Variants in IPO4 observed in about 807,000 individuals in gnomAD.
IPO4 encodes importin 4.
A neutral mutation model predicts 133.5 loss-of-function variants in IPO4; 91 were observed. That is an observed-to-expected ratio of 0.68 (90% confidence interval 0.58 to 0.81). The LOEUF is 0.81. Among genes scored for constraint, IPO4 ranks in the 30% least tolerant of loss-of-function variants. The pLI, the probability that IPO4 is intolerant of heterozygous loss-of-function variation, is 0.00. For missense variants in IPO4, 1,279 were observed against 1,386.2 expected, an observed-to-expected ratio of 0.92 and a Z score of 1.23; for synonymous variants, 607 against 581.6, an observed-to-expected ratio of 1.04 and a Z score of -0.63.
Position 24,182,313 on chromosome 14 carries a change from A to G in IPO4, c.2563T>C (p.Phe855Leu), listed in dbSNP as rs1330087921. The G allele has an allele frequency of 1.9e-6, 3 of 1,613,936 alleles. No individual in the cohort carries two copies. The African/African-American group carries it at 4.0e-5, about 22-fold the overall frequency. ...ACCAATAATGGCAGGAAACCGGCAAAGAATGGGGCAAAGGAGTCTCCCCCA... is the reference window on the plus strand; with the variant it reads ...ACCAATAATGGCAGGAAACCGGCAAGGAATGGGGCAAAGGAGTCTCCCCCA... ...AAGGDSFAPFFAGFLPLLVCK... is the reference protein window; with the variant it reads ...AAGGDSFAPFLAGFLPLLVCK... The change falls in exon 25 of 30, where the codon TTT (phenylalanine) becomes CTT (leucine). Residue 855 changes from phenylalanine to leucine, a missense_variant. Around this residue, in one of 3 missense-constraint regions of IPO4, gnomAD observed 575 missense variants for 653.4 expected, o/e 0.88. Coordinates refer to ENST00000354464, the MANE Select transcript of IPO4 (RefSeq NM_024658.4).
rs749422296 is a variant in IPO4, at chr14:24,187,537, C to T, written c.451G>A (p.Glu151Lys). The T allele has an allele frequency of 5.6e-6, 9 of 1,613,992 alleles. No individual in the cohort carries two copies. Among genetic ancestry groups the T allele is most frequent in the South Asian group, 3.3e-5 (3 of 91,086 alleles). ...TCCCGGTGGTGGGGTTGGAAGGCCT[C>T]GGGCCGGGAGGTCACCACCACACTT... is the stretch of plus-strand genomic sequence containing the variant. ...LLSVVVTSRP[E>K]AFQPHHRELL... The change falls in exon 6 of 30, where the codon GAG becomes AAG. Residue 151 changes from glutamate to lysine, a missense_variant. Transcript: ENST00000354464.
chr14:24,187,182 G>A, intron 6 of IPO4, 32 bp from the exon 7 acceptor site: 1 of 1,604,410 alleles, frequency 6.2e-7, no homozygotes, highest in Non-Finnish European at 8.5e-7. Flanking sequence ...GCATGATGCA[G>A]CCCAATCTCA....
rs867620202 is a variant in IPO4, at chr14:24,185,858, T to C, written c.1169+3A>G. On this transcript the variant is annotated splice_donor_region_variant and intron_variant, in intron 12 of 29. Transcript: ENST00000354464. ...CCTCACCCTGGGACAGGGGAATACA[T>C]ACCTCTGCCTGATGTGGTCGCCAGC... 3 of 1,611,366 alleles carry C rather than the reference T, an allele frequency of 1.9e-6. No homozygotes were observed. Among genetic ancestry groups the C allele is most frequent in the East Asian group, 2.2e-5 (1 of 44,882 alleles).
rs2039257058 is a variant in IPO4 at position 24,188,329 on chromosome 14, C to T, written c.236+15G>A. On this transcript the variant is annotated intron_variant, in intron 3 of 29. Coordinates refer to ENST00000354464, the MANE Select transcript of IPO4 (RefSeq NM_024658.4). ...AGTCTCCGCCTGGCCCCGCCCCACC[C>T]CAGGCCCAGCCCACCTCTCCCGTTG... is the stretch of plus-strand genomic sequence containing the variant. The T allele has an allele frequency of 1.2e-6, 2 of 1,613,620 alleles. No individual in the cohort carries two copies. The highest frequency in any genetic ancestry group is 1.7e-6 in the Non-Finnish European group (2 of 1,179,836).
rs201837383 is a variant in IPO4 at position 24,185,265 on chromosome 14, G to C, written c.1326C>G (p.Ala442=). The C allele has an allele frequency of 6.2e-7, 1 of 1,614,058 alleles. No individual in the cohort carries two copies. Among genetic ancestry groups the C allele is most frequent in the Non-Finnish European group, 8.5e-7 (1 of 1,180,036 alleles). ...GTCCAAGAGGCACCGACTTCAAGTA[G>C]GCGAGGAGCAGTGGCATTACCTCCC... ...YSREVMPLLL[A]YLKSVPLGHT... is the part of the protein sequence containing the mutation. Residue 442 remains alanine (A), a synonymous_variant, in exon 14 of 30, where the codon GCC becomes GCG. Coordinates refer to ENST00000354464, the MANE Select transcript of IPO4 (RefSeq NM_024658.4).
rs1318525900 is a variant in IPO4 at position 24,188,604 on chromosome 14, G to T, written c.104C>A (p.Pro35His). ...TEQLQIVLRA[P>H]AALPALCDLL... is the part of the protein sequence containing the mutation. ...GTCGCAGAGAGCCGGCAAAGCGGCG[G>T]GGGCCCGAAGAACGATCTGGAGCTG... The change falls in exon 2 of 30, where the codon CCC (proline) becomes CAC (histidine). Residue 35 changes from proline to histidine, a missense_variant. Pro to His is a moderately conservative substitution (Grantham distance 77). Transcript: ENST00000354464. The T allele has an allele frequency of 6.2e-7, 1 of 1,612,152 alleles. No homozygotes were observed. The highest frequency in any genetic ancestry group is 8.5e-7 in the Non-Finnish European group (1 of 1,179,362).
rs1161952401 is a variant in IPO4 at position 24,180,694 on chromosome 14, G to A, written c.3110C>T (p.Pro1037Leu). ...CCTATGACTCCTACCCTCACCTGGT[G>A]GGATCTTGTTGTCAGCCAGAATGAG... ...CSLILADNKI[P>L]PDTKAALLLL... Residue 1037 changes from proline (P) to leucine (L), a missense_variant, in exon 29 of 30, where the codon CCA becomes CTA. Pro to Leu is a moderately conservative substitution (Grantham distance 98, BLOSUM62 -3). This residue lies in a region of IPO4 where 575 missense variants were observed against 653.4 expected (regional missense o/e 0.88). Coordinates refer to ENST00000354464, the MANE Select transcript of IPO4 (RefSeq NM_024658.4). 6.2e-7 allele frequency: 1 copy of A among 1,614,146 alleles called. No homozygotes were observed. The highest frequency in any genetic ancestry group is 1.1e-5 in the South Asian group (1 of 91,082).
chr14:24,184,451 G>T (rs546882621), intron 16 of IPO4, 33 bp from the exon 17 acceptor site: 14 of 1,592,662 alleles, frequency 8.8e-6, no homozygotes, highest in African/African-American at 8.1e-5. Flanking sequence ...AGCACCAGGA[G>T]GTGGAGGTGG....
In IPO4 at chr14:24,184,908, G is replaced by A. The variant is rs2039197479; in HGVS notation, c.1481C>T (p.Pro494Leu). 3 of 1,614,106 alleles carry A rather than the reference G, an allele frequency of 1.9e-6. No homozygotes were observed. Among genetic ancestry groups the A allele is most frequent in the Non-Finnish European group, 8.5e-7 (1 of 1,180,026 alleles). The change falls in exon 15 of 30, where the codon CCC becomes CTC. Residue 494 changes from proline to leucine, a missense_variant. Coordinates refer to ENST00000354464, the MANE Select transcript of IPO4 (RefSeq NM_024658.4). ...GCTCACAGCCAGCTCCTTGGCCCGGGGACTGCTGGGGTTCCTCAGAAGCTG... is the reference window on the plus strand; with the variant it reads ...GCTCACAGCCAGCTCCTTGGCCCGGAGACTGCTGGGGTTCCTCAGAAGCTG... The part of the protein sequence containing the change: ...MLQLLRNPSS[P>L]RAKELAVSAL...
In IPO4 at chr14:24,187,401, A is replaced by G. The variant is rs1201355958; in HGVS notation, c.587T>C (p.Val196Ala). 3.7e-6 allele frequency: 6 copies of G among 1,613,910 alleles called. No homozygotes were observed. The East Asian group carries it at 6.7e-5, about 18-fold the overall frequency. The change falls in exon 6 of 30, where the codon GTG (valine) becomes GCG (alanine). Residue 196 changes from valine to alanine, a missense_variant and splice_region_variant. Around this residue, in one of 3 missense-constraint regions of IPO4, gnomAD observed 695 missense variants for 704.1 expected, o/e 0.99. Coordinates refer to ENST00000354464, the MANE Select transcript of IPO4 (RefSeq NM_024658.4). ...AGATAACGAGGGCCCACATCTCACC[A>G]CATCTTCAGTGCTGAGGTAGGGAGC... ...TMAPYLSTEDVPLARMLVPKL... is the reference protein window; with the variant it reads ...TMAPYLSTEDAPLARMLVPKL...
intron 18 of IPO4, 26 bp downstream of exon 18, chr14:24,183,972 G>GGGGGCCCCCCCCC: frequency 6.4e-7 from 1 of 1,573,274 alleles, no homozygotes; most frequent in Non-Finnish European, 8.6e-7. Flanking sequence ...GGCAGGCCTG[G>GGGGGCCCCCCCCC]CCCAGCCCAC....
chr14:24,188,422 A>C lies in IPO4; in HGVS notation c.158T>G (p.Ile53Ser). The C allele has an allele frequency of 6.2e-7, 1 of 1,611,106 alleles. No individual in the cohort carries two copies. The highest frequency in any genetic ancestry group is 8.5e-7 in the Non-Finnish European group (1 of 1,179,862). ...GGTCAGCACGGCCGCAAACTGGCGG[A>C]TCTAGGACGAGGAAGCAAGCACGTG... Reference protein sequence around the residue: ...DLLASAADPQIRQFAAVLTRR... With the variant: ...DLLASAADPQSRQFAAVLTRR... The change falls in exon 3 of 30, where the codon ATC becomes AGC. Residue 53 changes from isoleucine (I) to serine (S), a missense_variant and splice_region_variant. By Grantham distance (142) the Ile-to-Ser change is moderately radical. Transcript: ENST00000354464.
Position 24,183,938 on chromosome 14 carries a change from C to T in IPO4, c.1870-40G>A, listed in dbSNP as rs779797578. On this transcript the variant is annotated intron_variant, in intron 18 of 29. Coordinates refer to ENST00000354464, the MANE Select transcript of IPO4 (RefSeq NM_024658.4). The stretch of plus-strand genomic sequence containing the variant: ...CGGCAAGGACTTTGGCTCAGCTGGG[C>T]CCAGGAGATAAATCCCATTGCAGGG... 3 of 1,613,474 alleles carry T rather than the reference C, an allele frequency of 1.9e-6. No homozygotes were observed. In the East Asian group the frequency reaches 6.7e-5, roughly 36 times the overall value.
chr14:24,185,961 A>G lies in IPO4; in HGVS notation c.1069T>C (p.Leu357=). ...CTCTCGCTCCGCAAAGCCTCTTCCA[A>G]CATGGGCATCTAGGGAAGCATGTGG... is the stretch of plus-strand genomic sequence containing the variant. ...EKLCPQLMPM[L]EEALRSESPY... is the part of the protein sequence containing the mutation. The change falls in exon 12 of 30, where the codon TTG becomes CTG. Residue 357 remains leucine (L), a synonymous_variant. Coordinates refer to ENST00000354464, the MANE Select transcript of IPO4 (RefSeq NM_024658.4). 6.2e-7 allele frequency: 1 copy of G among 1,614,026 alleles called. No homozygotes were observed.
In IPO4 at chr14:24,184,672, C is replaced by G; in HGVS notation, c.1614G>C (p.Gln538His). 1 of 1,608,418 alleles carries G rather than the reference C, an allele frequency of 6.2e-7. No homozygotes were observed. Among genetic ancestry groups the G allele is most frequent in the Non-Finnish European group, 8.5e-7 (1 of 1,177,360 alleles). The change falls in exon 16 of 30, where the codon CAG (glutamine) becomes CAC (histidine). Residue 538 changes from glutamine to histidine, a missense_variant. Around this residue, in one of 3 missense-constraint regions of IPO4, gnomAD observed 695 missense variants for 704.1 expected, o/e 0.99. Coordinates refer to ENST00000354464, the MANE Select transcript of IPO4 (RefSeq NM_024658.4). ...CACCCAGGCTCTGGATCTGCACAGG[C>G]TGAAGGTCCTCACGGCCTGTTAACA... ...EFLLTGREDL[Q>H]PVQIQSLETL... is the part of the protein sequence containing the mutation.
At position 24,184,297 on chromosome 14, in the gene IPO4, C is replaced by A. The variant is rs565149791; in HGVS notation, c.1757+1G>T. ...CAGAGGCAGGGTGAGGGGTCACTCA[C>A]GTGCAGCGCCGCAAGTCAGGGTCGT... On this transcript the variant is annotated splice_donor_variant, in intron 17 of 29. Coordinates refer to ENST00000354464, the MANE Select transcript of IPO4 (RefSeq NM_024658.4). LOFTEE classifies it high-confidence loss of function. 3 of 1,580,498 alleles carry A rather than the reference C, an allele frequency of 1.9e-6. No individual in the cohort carries two copies. Among genetic ancestry groups the A allele is most frequent in the African/African-American group, 1.3e-5 (1 of 74,384 alleles).
intron 15 of IPO4, 39 bp downstream of exon 15, chr14:24,184,828 G>C (rs771544962): frequency 1.9e-5 from 30 of 1,606,596 alleles, no homozygotes; most frequent in Non-Finnish European, 2.6e-5. Flanking sequence ...AGGGCCTTTG[G>C]GTGAACCCCA....
rs1270098232 is a variant in IPO4, at chr14:24,187,946, G to A, written c.279-150C>T. 6.3e-6 allele frequency: 6 copies of A among 950,284 alleles called. No individual in the cohort carries two copies. The African/African-American group carries it at 6.5e-5, about 10-fold the overall frequency. 58.9% of individuals were successfully genotyped at this position (950,284 alleles called of 1,614,324 possible). A position where few individuals can be genotyped will look rare whatever the true frequency, so the allele number is the denominator to read the frequency against. On this transcript the variant is annotated intron_variant, in intron 4 of 29. Coordinates refer to ENST00000354464, the MANE Select transcript of IPO4 (RefSeq NM_024658.4). ...TTGGGACACATGAGACAGCAGCTCA[G>A]AGGGAGCCCAACAGCACTGTGGGCA...
rs1360141216 is a variant in IPO4, at chr14:24,187,704, T to C, written c.371A>G (p.Gln124Arg). ...EAWPQLLQLL[Q>R]HSTHSPHSPE... ...GCTGTGGGGGCTGTGGGTACTGTGC[T>C]GAAGCAGCTGCAAAAGCTGTGGCCA... The change falls in exon 5 of 30, where the codon CAG (glutamine) becomes CGG (arginine). Residue 124 changes from glutamine (Q) to arginine (R), a missense_variant. Physicochemically the swap from Gln to Arg is conservative, Grantham distance 43. Around this residue, in one of 3 missense-constraint regions of IPO4, gnomAD observed 695 missense variants for 704.1 expected, o/e 0.99. Coordinates refer to ENST00000354464, the MANE Select transcript of IPO4 (RefSeq NM_024658.4). The C allele has an allele frequency of 3.1e-6, 5 of 1,614,234 alleles. No homozygotes were observed. In the South Asian group the frequency reaches 5.5e-5, roughly 18 times the overall value.
Sources: gnomAD v4.1 joint callset for allele counts on GRCh38, gnomAD v4.1.1 for gene constraint, gnomAD v4.1.1 regional missense constraint, MANE v1.5 for transcripts, NCBI Gene and HGNC (gene_info 2026-07-23, HGNC 2026-07-21) for gene names.